AQR: variants seen among roughly 807,000 people sequenced by gnomAD.
AQR encodes the protein RNA helicase aquarius.
A neutral mutation model predicts 180.5 loss-of-function variants in AQR; 61 were observed. That is an observed-to-expected ratio of 0.34 (90% CI 0.28 to 0.42). AQR has a LOEUF of 0.42. Ranked by LOEUF, AQR falls within the 10% of genes least tolerant of loss-of-function variation. AQR has a pLI of 1.00. For missense variants in AQR, 1,281 were observed against 1,798.3 expected (o/e 0.71, Z 5.20); for synonymous variants, 551 against 588.8 (o/e 0.94, Z 0.93).
rs181152414 is a variant in AQR, at chr15:34,877,199, T to C, written c.3166-1193A>G. Among the ~76,000 whole-genome samples the C allele has an allele frequency of 3.9e-3, 596 of 152,354 alleles. 2 individuals carry two copies. The highest frequency in any genetic ancestry group is 5.7e-3 in the Non-Finnish European group (386 of 68,028). On this transcript the variant is annotated intron_variant, in intron 27 of 34. Transcript: ENST00000156471. ...CTGTCCAATTCTCATTTAGATCTAT[T>C]ATCAATATGTTTTATCTTTCCTATT...
At chr15:34,933,371 G>C (rs1893896222) in intron 10 of AQR, among the ~76,000 whole-genome samples, 1 of 152,010 alleles carries the variant, frequency 6.6e-6, no homozygotes, top group Admixed American at 6.6e-5. Flanking sequence ...TCATTAATGA[G>C]AGAAAGGAAA....
At position 34,939,446 on chromosome 15, in the gene AQR, T is replaced by C. The variant is rs1342280817; in HGVS notation, c.642-633A>G. The stretch of plus-strand genomic sequence containing the variant: ...GAAAGAAGTTTCAAAATTCCATTTA[T>C]AGTCTGCCCTTACCATTAAAAATCT... On this transcript the variant is annotated intron_variant, in intron 8 of 34. Transcript: ENST00000156471. 5.9e-5 allele frequency among the ~76,000 whole-genome samples: 9 copies of C among 152,228 alleles called. No homozygotes were observed. The South Asian group carries it at 1.2e-3, about 21-fold the overall frequency.
intron 2 of AQR, 143 bp downstream of exon 2, chr15:34,964,091 A>T (rs897855032): frequency 1.4e-5 from 9 of 641,906 alleles, no homozygotes; most frequent in Admixed American, 8.9e-5. Context: ...ATCATTGCTA[A>T]GTTTGATAAG....
chr15:34,960,628 C>G (rs866632371), intron 3 of AQR, 146 bp downstream of exon 3: 1 of 475,788 alleles, frequency 2.1e-6, no homozygotes, highest in Middle Eastern at 2.9e-4. Flanking sequence ...GACTCTTCAG[C>G]ACCTAAAGTT....
intron 17 of AQR, among the ~76,000 whole-genome samples, chr15:34,908,005 G>A: frequency 6.6e-6 from 1 of 152,118 alleles, no homozygotes; most frequent in South Asian, 2.1e-4. Flanking sequence ...GCTTTCTGGA[G>A]CAAATCTGGC....
chr15:34,961,596 G>C (rs1038440145), intron 2 of AQR, among the ~76,000 whole-genome samples: 9 of 122,326 alleles, frequency 7.4e-5, no homozygotes, highest in Non-Finnish European at 1.4e-4. Flanking sequence ...CCTGGTGATA[G>C]AGCGAGACTC....
At chr15:34,874,203 A>G (rs1892860933) in intron 29 of AQR, 2 of 455,992 alleles carry the variant, frequency 4.4e-6, no homozygotes, top group Non-Finnish European at 3.8e-6. Context: ...AGGTACTACA[A>G]AAATGAGAGT....
chr15:34,948,126 C>A, intron 5 of AQR, 138 bp downstream of exon 5: 7 of 883,078 alleles, frequency 7.9e-6, no homozygotes, highest in Admixed American at 2.8e-5. Flanking sequence ...TTTCACATAC[C>A]CATTCTTTTT....
chr15:34,926,989 G>A, intron 13 of AQR, 46 bp downstream of exon 13: 1 of 1,172,542 alleles, frequency 8.5e-7, no homozygotes, highest in Non-Finnish European at 1.2e-6. Context: ...AAAATTGAGG[G>A]AGCATGATAC....
chr15:34,924,623 G>T (rs1009067061), intron 13 of AQR, among the ~76,000 whole-genome samples: 1 of 151,894 alleles, frequency 6.6e-6, no homozygotes. Context: ...GTAAGATGGG[G>T]TTTCACCATG....
intron 22 of AQR, among the ~76,000 whole-genome samples, chr15:34,895,505 A>G (rs1252192568): frequency 1.3e-5 from 2 of 151,902 alleles, no homozygotes; most frequent in African/African-American, 4.8e-5. Flanking sequence ...AAATGACAGA[A>G]AAAGAAATAT....
intron 23 of AQR, among the ~76,000 whole-genome samples, chr15:34,890,544 G>A (rs1893128524): frequency 6.6e-6 from 1 of 152,108 alleles, no homozygotes; most frequent in Admixed American, 6.6e-5. Flanking sequence ...TTAAACATCT[G>A]CTTTTAATTT....
At chr15:34,910,453 A>G (rs948981821) in intron 16 of AQR, 140 bp from the exon 17 acceptor site, 1 of 920,420 alleles carries the variant, frequency 1.1e-6, no homozygotes, top group Admixed American at 2.9e-5. Flanking sequence ...TCTTAACTTA[A>G]AAAAAAGAAA....
chr15:34,960,493 AAAT>A (rs150015062), intron 3 of AQR, among the ~76,000 whole-genome samples: 7,598 of 152,284 alleles, frequency 0.05, 276 homozygotes, highest in African/African-American at 0.1. Flanking sequence ...GGTGAATCAG[AAAT>A]AATACTAGTA....
intron 27 of AQR, among the ~76,000 whole-genome samples, chr15:34,876,995 G>A (rs1302358172): frequency 6.6e-6 from 1 of 151,540 alleles, no homozygotes; most frequent in Non-Finnish European, 1.5e-5. Flanking sequence ...CTGTTCTTTT[G>A]TCTTCCAGAC....
At chr15:34,950,076 CTATTTTCCTTTTTTTTT>C (rs1894197671) in intron 4 of AQR, among the ~76,000 whole-genome samples, 2 of 134,340 alleles carry the variant, frequency 1.5e-5, no homozygotes, top group African/African-American at 5.4e-5. Context: ...CTTCTCTTTG[CTATTTTCCTTTTTTTTT>C]TTTTTTTTTT....
intron 5 of AQR, among the ~76,000 whole-genome samples, chr15:34,946,217 G>A (rs112272419): frequency 3.1e-4 from 47 of 152,324 alleles, no homozygotes; most frequent in Admixed American, 9.1e-4. Context: ...GTTGCAGTGA[G>A]CTGAGATCAC....
rs187336933 is a variant in AQR at position 34,918,366 on chromosome 15, C to G, written c.1234G>C (p.Glu412Gln). 1.2e-6 allele frequency: 2 copies of G among 1,613,504 alleles called. No homozygotes were observed. The highest frequency in any genetic ancestry group is 1.7e-5 in the Admixed American group (1 of 59,974). Residue 412 changes from glutamate (E) to glutamine (Q), a missense_variant, in exon 15 of 35, where the codon GAA (glutamate) becomes CAA (glutamine). By Grantham distance (29) the Glu-to-Gln change is conservative (BLOSUM62 2). This residue lies in a region of AQR where 404 missense variants were observed against 490.9 expected (regional missense o/e 0.82). Transcript: ENST00000156471. ...FLLELLVSRH[E>Q]RRISQIQQLN... ...TGCTGAATCTGAGAAATTCGACGTT[C>G]ATGACGAGATACCTAAAATAAAGGA...
At chr15:34,865,915 G>A (rs1892732728) in intron 32 of AQR, among the ~76,000 whole-genome samples, 1 of 152,122 alleles carries the variant, frequency 6.6e-6, no homozygotes. Flanking sequence ...GGGGAGGGAA[G>A]TGATTGCTAA....
Sources: gnomAD v4.1 joint callset for allele counts (sites outside exome capture counted in the v4.1 genomes callset) on GRCh38, gnomAD v4.1.1 for gene constraint, gnomAD v4.1.1 regional missense constraint, MANE v1.5 for transcripts, NCBI Gene and HGNC (gene_info 2026-07-23, HGNC 2026-07-21) for gene names.